Variants in ZFPM2 observed in about 807,000 individuals in gnomAD.
ZFPM2 encodes the protein zinc finger protein ZFPM2.
Under a neutral mutation model 98.6 loss-of-function variants are expected in ZFPM2, and 20 were observed. The ratio of observed to expected loss-of-function variants is 0.20; its 90% CI spans 0.14 to 0.29. The LOEUF (loss-of-function observed/expected upper bound fraction) is 0.29, where lower values mean the gene tolerates loss of function less well. Ranked by LOEUF, ZFPM2 falls within the 10% of genes least tolerant of loss-of-function variation. ZFPM2 has a pLI of 1.00. For missense variants in ZFPM2, 1,310 were observed against 1,388.6 expected, an observed-to-expected ratio of 0.94 and a Z score of 0.90; for synonymous variants, 518 against 502.7, an observed-to-expected ratio of 1.03 and a Z score of -0.41.
chr8:105,789,822 T>A (rs1394070360), intron 6 of ZFPM2, among the ~76,000 whole-genome samples: 1 of 152,068 alleles, frequency 6.6e-6, no homozygotes, highest in Non-Finnish European at 1.5e-5. Context: ...GATTTGCATT[T>A]CTCTGATGGC....
intron 6 of ZFPM2, among the ~76,000 whole-genome samples, chr8:105,791,645 GA>G (rs1247396870): frequency 6.6e-6 from 1 of 152,154 alleles, no homozygotes; most frequent in Admixed American, 6.6e-5. Flanking sequence ...CTATTGATTG[GA>G]ATAGTTTCAG....
chr8:105,577,472 A>AG (rs1231177088), intron 4 of ZFPM2, among the ~76,000 whole-genome samples: 9 of 151,456 alleles, frequency 5.9e-5, no homozygotes, highest in Admixed American at 5.9e-4. Context: ...TATGAAGTAA[A>AG]GCACACCTCT....
intron 1 of ZFPM2, among the ~76,000 whole-genome samples, chr8:105,405,224 C>A (rs1468814065): frequency 6.6e-6 from 1 of 151,820 alleles, no homozygotes; most frequent in East Asian, 1.9e-4. Flanking sequence ...ATAAAATGAC[C>A]TCAGGGGTTT....
chr8:105,593,277 C>A (rs1815890171), intron 4 of ZFPM2, among the ~76,000 whole-genome samples: 1 of 151,898 alleles, frequency 6.6e-6, no homozygotes, highest in Non-Finnish European at 1.5e-5. Context: ...AAAAGAATTA[C>A]CAAAATTCTG....
chr8:105,599,483 C>T (rs543375095), intron 4 of ZFPM2, among the ~76,000 whole-genome samples: 4 of 151,698 alleles, frequency 2.6e-5, no homozygotes, highest in African/African-American at 7.2e-5. Flanking sequence ...ATCATTAGCT[C>T]GTTGTGTACA....
At chr8:105,536,406 T>C (rs1814452701) in intron 3 of ZFPM2, among the ~76,000 whole-genome samples, 1 of 152,104 alleles carries the variant, frequency 6.6e-6, no homozygotes, top group South Asian at 2.1e-4. Flanking sequence ...TCCCCTCTTG[T>C]CCCCTTTCTA....
At chr8:105,331,168 TACACAC>T (rs113815707) in intron 1 of ZFPM2, among the ~76,000 whole-genome samples, 13 of 146,664 alleles carry the variant, frequency 8.9e-5, no homozygotes, top group African/African-American at 3.2e-4. Context: ...ATATATATTA[TACACAC>T]ACACACACAC....
chr8:105,322,977 A>G (rs1488179579), intron 1 of ZFPM2, among the ~76,000 whole-genome samples: 3 of 151,918 alleles, frequency 2.0e-5, no homozygotes, highest in African/African-American at 7.2e-5. Flanking sequence ...TATTTTATGC[A>G]TAAAACAATT....
intron 1 of ZFPM2, among the ~76,000 whole-genome samples, chr8:105,371,072 G>A (rs1810613606): frequency 6.6e-6 from 1 of 152,202 alleles, no homozygotes; most frequent in Non-Finnish European, 1.5e-5. Flanking sequence ...AGGACATGAA[G>A]CCTGAATTCA....
chr8:105,523,442 C>T (rs1380962788), intron 3 of ZFPM2, among the ~76,000 whole-genome samples: 2 of 152,206 alleles, frequency 1.3e-5, no homozygotes, highest in Non-Finnish European at 2.9e-5. Context: ...ACACTGCTCG[C>T]CCTGCTCTTG....
chr8:105,632,543 T>A (rs1461739499), intron 4 of ZFPM2, among the ~76,000 whole-genome samples: 1 of 152,200 alleles, frequency 6.6e-6, no homozygotes, highest in East Asian at 1.9e-4. Context: ...CATTAGGACC[T>A]AATACTTAAT....
At chr8:105,610,461 T>C (rs1231584009) in intron 4 of ZFPM2, among the ~76,000 whole-genome samples, 1 of 152,152 alleles carries the variant, frequency 6.6e-6, no homozygotes. Flanking sequence ...CCTTTAACTT[T>C]TACTGAAAAT....
chr8:105,573,332 C>T (rs1448711761), intron 4 of ZFPM2, among the ~76,000 whole-genome samples: 1 of 152,112 alleles, frequency 6.6e-6, no homozygotes, highest in Non-Finnish European at 1.5e-5. Flanking sequence ...AGCTTGAAAC[C>T]AGAAGGCTGG....
At chr8:105,683,564 C>A (rs1412286877) in intron 5 of ZFPM2, among the ~76,000 whole-genome samples, 2 of 152,136 alleles carry the variant, frequency 1.3e-5, no homozygotes, top group Non-Finnish European at 2.9e-5. Context: ...CAGCCACACA[C>A]ACCCAGACAA....
chr8:105,686,590 T>A (rs1262350119), intron 5 of ZFPM2, among the ~76,000 whole-genome samples: 1 of 152,112 alleles, frequency 6.6e-6, no homozygotes, highest in Non-Finnish European at 1.5e-5. Flanking sequence ...TTACCTCAAT[T>A]TTTTTCTTTT....
intron 1 of ZFPM2, among the ~76,000 whole-genome samples, chr8:105,352,944 G>A (rs1230642651): frequency 1.3e-5 from 2 of 152,008 alleles, no homozygotes; most frequent in Non-Finnish European, 2.9e-5. Context: ...TTTCACTGTG[G>A]AGCACAACAT....
At chr8:105,513,165 T>C (rs1041336393) in intron 3 of ZFPM2, among the ~76,000 whole-genome samples, 1 of 152,200 alleles carries the variant, frequency 6.6e-6, no homozygotes, top group Non-Finnish European at 1.5e-5. Flanking sequence ...AGACCTCTTT[T>C]AGAAATAGCA....
intron 1 of ZFPM2, among the ~76,000 whole-genome samples, chr8:105,326,458 G>A (rs1434667879): frequency 1.3e-5 from 2 of 151,636 alleles, no homozygotes; most frequent in African/African-American, 4.8e-5. Context: ...AACTCTATAT[G>A]CAGCTTACAA....
At chr8:105,758,211 A>G (rs1812651348) in intron 5 of ZFPM2, among the ~76,000 whole-genome samples, 1 of 152,122 alleles carries the variant, frequency 6.6e-6, no homozygotes, top group African/African-American at 2.4e-5. Flanking sequence ...CAGCGGAAAT[A>G]ATCACGACTA....
Sources: gnomAD v4.1 joint callset for allele counts (sites outside exome capture counted in the v4.1 genomes callset) on GRCh38, gnomAD v4.1.1 for gene constraint, MANE v1.5 for transcripts, NCBI Gene and HGNC (gene_info 2026-07-23, HGNC 2026-07-21) for gene names.